PPP1R12B: variants seen among roughly 807,000 people sequenced by gnomAD.
The protein encoded by PPP1R12B is protein phosphatase 1 regulatory subunit 12B, also known as myosin phosphatase target subunit 2.
PPP1R12B carries 76 observed loss-of-function variants against 126.1 expected under a neutral mutation model. That is an observed-to-expected ratio of 0.60 (90% confidence interval 0.50 to 0.73). The LOEUF (loss-of-function observed/expected upper bound fraction) is 0.73, where lower values mean the gene tolerates loss of function less well. Among genes scored for constraint, PPP1R12B ranks in the 30% least tolerant of loss-of-function variants. The pLI is 0.00. For synonymous variants in PPP1R12B, 356 were observed against 434.7 expected, an observed-to-expected ratio of 0.82 and a Z score of 2.25; for missense variants, 1,052 against 1,205.1, an observed-to-expected ratio of 0.87 and a Z score of 1.88.
At chr1:202,493,668 T>C (rs1679180014) in intron 15 of PPP1R12B, among the ~76,000 whole-genome samples, 1 of 152,256 alleles carries the variant, frequency 6.6e-6, no homozygotes, top group Non-Finnish European at 1.5e-5. Context: ...TAAGTACTTC[T>C]TGTGTATTAA....
chr1:202,559,117 G>C (rs1261262600), intron 19 of PPP1R12B, among the ~76,000 whole-genome samples: 2 of 152,052 alleles, frequency 1.3e-5, no homozygotes, highest in Non-Finnish European at 2.9e-5. Context: ...CCTCTTTCCA[G>C]TTCACCTTGT....
At chr1:202,456,571 A>G (rs1269978814) in intron 13 of PPP1R12B, among the ~76,000 whole-genome samples, 1 of 151,942 alleles carries the variant, frequency 6.6e-6, no homozygotes, top group Non-Finnish European at 1.5e-5. Flanking sequence ...TGGACCTACT[A>G]AGGCTGCAAG....
chr1:202,368,796 G>A (rs891054897), intron 1 of PPP1R12B, among the ~76,000 whole-genome samples: 1 of 152,056 alleles, frequency 6.6e-6, no homozygotes, highest in African/African-American at 2.4e-5. Context: ...GCAATGGCAG[G>A]ATCATGGCTC....
intron 1 of PPP1R12B, among the ~76,000 whole-genome samples, chr1:202,401,397 A>T (rs1665830176): frequency 5.1e-5 from 4 of 78,986 alleles, no homozygotes; most frequent in African/African-American, 1.9e-4. Context: ...TTTTGTAGAG[A>T]TAGATTCTTG....
At chr1:202,570,847 C>T (rs1688525448) in intron 23 of PPP1R12B, among the ~76,000 whole-genome samples, 1 of 152,218 alleles carries the variant, frequency 6.6e-6, no homozygotes, top group African/African-American at 2.4e-5. Context: ...TTGATGAGTG[C>T]ATATCCACAG....
intron 14 of PPP1R12B, among the ~76,000 whole-genome samples, chr1:202,490,203 G>A (rs546408899): frequency 6.6e-6 from 1 of 152,334 alleles, no homozygotes; most frequent in South Asian, 2.1e-4. Context: ...TCAGAAAATA[G>A]TAGCAGCATG....
chr1:202,503,912 C>G (rs530254296), intron 18 of PPP1R12B, among the ~76,000 whole-genome samples: 1 of 151,900 alleles, frequency 6.6e-6, no homozygotes, highest in Non-Finnish European at 1.5e-5. Context: ...GAAATTGCTT[C>G]CTTTCTGCAA....
intron 13 of PPP1R12B, among the ~76,000 whole-genome samples, chr1:202,460,613 G>A (rs1428185392): frequency 1.3e-5 from 2 of 151,896 alleles, no homozygotes; most frequent in African/African-American, 2.4e-5. Flanking sequence ...AAAGTCTGCG[G>A]CCATGCTGCC....
intron 2 of PPP1R12B, 140 bp from the exon 3 acceptor site, chr1:202,422,480 A>G (rs1329129913): frequency 7.2e-6 from 5 of 690,304 alleles, no homozygotes; most frequent in Non-Finnish European, 1.3e-5. Context: ...AGGCACATAG[A>G]AATTAATAAT....
intron 1 of PPP1R12B, among the ~76,000 whole-genome samples, chr1:202,365,599 A>G (rs754193033): frequency 1.2e-4 from 18 of 152,204 alleles, no homozygotes; most frequent in Non-Finnish European, 2.2e-4. Flanking sequence ...GTCCTAACCT[A>G]GGGATCACAC....
Position 202,370,366 on chromosome 1 carries a change from C to A in PPP1R12B, c.291+21224C>A, listed in dbSNP as rs1430908684. Among the ~76,000 whole-genome samples the A allele has an allele frequency of 1.5e-3, 224 of 152,084 alleles. 4 individuals are homozygous for A. The highest frequency in any genetic ancestry group is 2.1e-4 in the Non-Finnish European group (14 of 67,990). On this transcript the variant is annotated intron_variant, in intron 1 of 23. Coordinates refer to ENST00000608999, the MANE Select transcript of PPP1R12B (RefSeq NM_002481.4). ...AGTAGTATTCCATTGTGTGAGTATT[C>A]CAAAATTAGTTTATTCTTCTGATTA...
intron 18 of PPP1R12B, among the ~76,000 whole-genome samples, chr1:202,541,729 C>G (rs1245266812): frequency 1.3e-5 from 2 of 152,172 alleles, no homozygotes; most frequent in East Asian, 3.8e-4. Flanking sequence ...TGACCTTCCC[C>G]CATTTTCCCT....
intron 1 of PPP1R12B, among the ~76,000 whole-genome samples, chr1:202,384,253 T>C (rs1035698923): frequency 1.3e-5 from 2 of 152,214 alleles, no homozygotes; most frequent in Non-Finnish European, 2.9e-5. Context: ...TGTACATCAT[T>C]GTTCACGGCA....
intron 1 of PPP1R12B, among the ~76,000 whole-genome samples, chr1:202,360,573 G>A (rs1378117288): frequency 6.6e-6 from 1 of 152,006 alleles, no homozygotes; most frequent in African/African-American, 2.4e-5. Flanking sequence ...GCTGGGGCTG[G>A]TGGTGGACAC....
Position 202,377,832 on chromosome 1 carries a change from G to GTTTT in PPP1R12B, c.291+28714_291+28717dup, listed in dbSNP as rs74860606. ...GGAGAAAGAAAGGTCAAAGACAGGT[G>GTTTT]TTTTTTTTTTTTTTTTTTTTTTTTT... On this transcript the variant is annotated intron_variant, in intron 1 of 23. Transcript: ENST00000608999. 5.4e-3 allele frequency among the ~76,000 whole-genome samples: 529 copies of GTTTT among 97,230 alleles called. 131 individuals carry two copies. Among genetic ancestry groups the GTTTT allele is most frequent in the African/African-American group, 0.024 (473 of 20,120 alleles). The allele number at this position is 97,230 out of a possible 152,430, so 63.8% of individuals were successfully genotyped here.
chr1:202,538,067 C>T (rs917295410), intron 18 of PPP1R12B, among the ~76,000 whole-genome samples: 3 of 152,188 alleles, frequency 2.0e-5, no homozygotes, highest in Non-Finnish European at 4.4e-5. Flanking sequence ...CAAGGCTTAC[C>T]GCAACCTCTG....
At chr1:202,466,833 C>T (rs1675058771) in intron 13 of PPP1R12B, among the ~76,000 whole-genome samples, 1 of 152,072 alleles carries the variant, frequency 6.6e-6, no homozygotes, top group South Asian at 2.1e-4. Context: ...TTTCCTCTAG[C>T]CTTAAAAAGG....
intron 1 of PPP1R12B, among the ~76,000 whole-genome samples, chr1:202,405,549 G>A (rs1253364572): frequency 6.6e-6 from 1 of 152,176 alleles, no homozygotes; most frequent in Admixed American, 6.5e-5. Flanking sequence ...ATTTAACTGT[G>A]TGCCAGGCTT....
chr1:202,429,744 G>A (rs1669972450), intron 6 of PPP1R12B, among the ~76,000 whole-genome samples: 2 of 152,212 alleles, frequency 1.3e-5, no homozygotes, highest in Middle Eastern at 3.4e-3. Flanking sequence ...TCTTTTGCAC[G>A]TGCTGTCACT....
Sources: gnomAD v4.1 joint callset for allele counts (sites outside exome capture counted in the v4.1 genomes callset) on GRCh38, gnomAD v4.1.1 for gene constraint, MANE v1.5 for transcripts, NCBI Gene and HGNC (gene_info 2026-07-23, HGNC 2026-07-21) for gene names.